Variants in GDAP1 observed in about 807,000 individuals in gnomAD.
The protein encoded by GDAP1 is ganglioside-induced differentiation-associated protein 1.
GDAP1 carries 34 observed loss-of-function variants against 40.1 expected under a neutral mutation model. The ratio of observed to expected loss-of-function variants is 0.85; its 90% CI spans 0.64 to 1.13. The LOEUF (loss-of-function observed/expected upper bound fraction) is 1.13. GDAP1 is among the 50% of genes most tolerant of loss of function. The pLI, the probability that GDAP1 is intolerant of heterozygous loss-of-function variation, is 0.00. For synonymous variants in GDAP1, 170 were observed against 157.4 expected (o/e 1.08, Z -0.60); for missense variants, 374 against 433.7 (o/e 0.86, Z 1.22).
At chr8:74,358,763 T>A (rs1479337700) in intron 2 of GDAP1, among the ~76,000 whole-genome samples, 1 of 152,136 alleles carries the variant, frequency 6.6e-6, no homozygotes, top group African/African-American at 2.4e-5. Flanking sequence ...ACTGTTGCGC[T>A]TAGGGGTTTA....
At position 74,364,055 on chromosome 8, in the gene GDAP1, G is replaced by C. The variant is rs1809501318; in HGVS notation, c.765G>C (p.Leu255Phe). The C allele has an allele frequency of 1.9e-6, 3 of 1,613,830 alleles. No individual in the cohort carries two copies. The highest frequency in any genetic ancestry group is 2.5e-6 in the Non-Finnish European group (3 of 1,179,740). The change falls in exon 6 of 6, where the codon TTG (leucine) becomes TTC (phenylalanine). Residue 255 changes from leucine to phenylalanine, a missense_variant. Transcript: ENST00000220822. ...CAGACGTCTCACTCGCTGTCACATT[G>C]CATCGACTGAAGTTCCTGGGGTTTG... Reference protein sequence around the residue: ...TLADVSLAVTLHRLKFLGFAR... With the variant: ...TLADVSLAVTFHRLKFLGFAR...
chr8:74,472,480 A>G (rs1234024658), intron 2 of GDAP1, among the ~76,000 whole-genome samples: 1 of 152,196 alleles, frequency 6.6e-6, no homozygotes, highest in Non-Finnish European at 1.5e-5. Flanking sequence ...GTTAAATGAT[A>G]GTTCTATTTT....
intron 2 of GDAP1, among the ~76,000 whole-genome samples, chr8:74,449,231 C>T (rs550984202): frequency 1.2e-4 from 18 of 151,838 alleles, no homozygotes; most frequent in African/African-American, 3.4e-4. Flanking sequence ...CCTAATTCAC[C>T]GTGTTGATTA....
chr8:74,407,645 C>A (rs965285125), intron 2 of GDAP1, among the ~76,000 whole-genome samples: 3 of 149,926 alleles, frequency 2.0e-5, no homozygotes, highest in Non-Finnish European at 4.4e-5. Flanking sequence ...CCTTACTAAA[C>A]TTCCATTCAT....
rs573385308 is a variant in GDAP1, at chr8:74,365,240, T to C, written c.*873T>C. On this transcript the variant is annotated 3_prime_UTR_variant, in exon 6 of 6. Transcript: ENST00000220822. ...TTCATTCTTCGTTTGGGGAGGCTGG[T>C]CTGTAAACACAAAAATTGTTGTCCA... 90 of 454,118 alleles carry C rather than the reference T, an allele frequency of 2.0e-4. No homozygotes were observed. The highest frequency in any genetic ancestry group is 7.5e-4 in the Admixed American group (32 of 42,580). The allele number at this position is 454,118 out of a possible 1,614,324, so 28.1% of individuals were successfully genotyped here. A position where few individuals can be genotyped will look rare whatever the true frequency, so the allele number is the denominator to read the frequency against.
chr8:74,456,999 GC>G (rs1315487631), intron 2 of GDAP1, among the ~76,000 whole-genome samples: 1 of 152,042 alleles, frequency 6.6e-6, no homozygotes, highest in Non-Finnish European at 1.5e-5. Flanking sequence ...GAGAAGGGTG[GC>G]CCATGCCATA....
chr8:74,385,285 A>C (rs986865562), intron 2 of GDAP1, among the ~76,000 whole-genome samples: 1 of 152,026 alleles, frequency 6.6e-6, no homozygotes, highest in African/African-American at 2.4e-5. Flanking sequence ...CCATCAACCC[A>C]TCATGTACAT....
chr8:74,408,875 G>A (rs1258948771), intron 2 of GDAP1, among the ~76,000 whole-genome samples: 1 of 150,030 alleles, frequency 6.7e-6, no homozygotes. Context: ...TCCTGAGGAA[G>A]ACATAGCCCA....
chr8:74,440,283 T>C (rs1315058141), intron 2 of GDAP1, among the ~76,000 whole-genome samples: 1 of 152,182 alleles, frequency 6.6e-6, no homozygotes, highest in Non-Finnish European at 1.5e-5. Flanking sequence ...AATTTAAACC[T>C]CAGTCCTCAT....
Position 74,350,451 on chromosome 8 carries a change from C to G in GDAP1, c.-11C>G. On this transcript the variant is annotated 5_prime_UTR_variant, in exon 1 of 6. Coordinates refer to ENST00000220822, the MANE Select transcript of GDAP1 (RefSeq NM_018972.4). ...GACAGGCTGGGCGCACCCGTGCTCGCGCACCCCAAGATGGCTGAGAGGCAG... is the reference window on the plus strand; with the variant it reads ...GACAGGCTGGGCGCACCCGTGCTCGGGCACCCCAAGATGGCTGAGAGGCAG... The G allele has an allele frequency of 2.6e-6, 4 of 1,558,964 alleles. No homozygotes were observed. The highest frequency in any genetic ancestry group is 3.5e-6 in the Non-Finnish European group (4 of 1,131,762).
chr8:74,459,155 A>G (rs1806371035), intron 2 of GDAP1, among the ~76,000 whole-genome samples: 1 of 152,194 alleles, frequency 6.6e-6, no homozygotes, highest in Non-Finnish European at 1.5e-5. Context: ...CTGTGCCAAC[A>G]CTTGGTGGGT....
chr8:74,360,364 A>G (rs992613181), intron 3 of GDAP1, 54 bp downstream of exon 3: 13 of 1,432,120 alleles, frequency 9.1e-6, no homozygotes, highest in Non-Finnish European at 1.3e-5. Context: ...CTTTTAATTC[A>G]TTTTGAGACC....
Position 74,431,574 on chromosome 8 carries a change from C to T in GDAP1, c.166-57104C>T, listed in dbSNP as rs188620077. On this transcript the variant is annotated intron_variant, in intron 2 of 2. Coordinates refer to the GDAP1 transcript ENST00000523640. ...TCCGCTCACTGCAAGCTCCGCCTCC[C>T]GGGTTCACGCCATTCTCCTGCCTCA... 6.9e-3 allele frequency among the ~76,000 whole-genome samples: 1,045 copies of T among 152,128 alleles called. 9 individuals carry two copies. Among genetic ancestry groups the T allele is most frequent in the African/African-American group, 0.023 (969 of 41,492 alleles).
chr8:74,387,319 G>C (rs1351814629), intron 2 of GDAP1, among the ~76,000 whole-genome samples: 1 of 152,174 alleles, frequency 6.6e-6, no homozygotes, highest in Non-Finnish European at 1.5e-5. Context: ...CCATGGGTTT[G>C]TCATAAATAG....
intron 2 of GDAP1, among the ~76,000 whole-genome samples, chr8:74,445,396 A>G (rs930770041): frequency 2.0e-5 from 3 of 152,150 alleles, no homozygotes; most frequent in African/African-American, 7.2e-5. Context: ...CTGGATAGAG[A>G]GCTATCAGTA....
intron 2 of GDAP1, among the ~76,000 whole-genome samples, chr8:74,476,983 T>A (rs1276328368): frequency 6.6e-6 from 1 of 151,296 alleles, no homozygotes; most frequent in Non-Finnish European, 1.5e-5. Flanking sequence ...GTTTGTCCCT[T>A]TGCATTCTGT....
chr8:74,449,223 T>C (rs958468194), intron 2 of GDAP1, among the ~76,000 whole-genome samples: 15 of 151,996 alleles, frequency 9.9e-5, no homozygotes, highest in African/African-American at 3.4e-4. Context: ...TTTATGATCC[T>C]AATTCACCGT....
At chr8:74,468,101 T>C (rs1806496241) in intron 2 of GDAP1, among the ~76,000 whole-genome samples, 1 of 152,102 alleles carries the variant, frequency 6.6e-6, no homozygotes, top group African/African-American at 2.4e-5. Context: ...GGCCTACCTG[T>C]GGACTTACTG....
intron 2 of GDAP1, among the ~76,000 whole-genome samples, chr8:74,465,080 C>T (rs369535382): frequency 2.0e-5 from 3 of 151,738 alleles, no homozygotes; most frequent in Middle Eastern, 3.2e-3. Context: ...GTTAGCTGGG[C>T]GTGGTAGCGT....
Sources: gnomAD v4.1 joint callset for allele counts (sites outside exome capture counted in the v4.1 genomes callset) on GRCh38, gnomAD v4.1.1 for gene constraint, MANE v1.5 for transcripts, NCBI Gene and HGNC (gene_info 2026-07-23, HGNC 2026-07-21) for gene names.